The following ZC4H2 variants were observed in gnomAD, a reference collection of about 807,000 sequenced individuals.
ZC4H2 encodes the protein zinc finger C4H2-type containing.
For missense variants in ZC4H2, 137 were observed against 173.9 expected (o/e 0.79, Z 1.19); for synonymous variants, 84 against 66.3 (o/e 1.27, Z -1.30).
chrX:64,989,871 C>T (rs1249108160), intron 1 of ZC4H2, among the ~76,000 whole-genome samples: 1 of 111,632 alleles, frequency 9.0e-6, no homozygotes, highest in Non-Finnish European at 1.9e-5. Flanking sequence ...AAAATGGTGA[C>T]AATACCAAAT....
rs191359084 is a variant in ZC4H2, at chrX:64,940,000, A to G, written c.54-18012T>C. The stretch of plus-strand genomic sequence containing the variant: ...TATTATCAGTGGGAACAGGCAACCT[A>G]AAGAATGGGAGAAAATTTTTGCAAT... On this transcript the variant is annotated intron_variant, in intron 1 of 4. Transcript: ENST00000374839. Among the ~76,000 whole-genome samples, 120 of 111,486 alleles carry G rather than the reference A, an allele frequency of 1.1e-3. 1 individual carries two copies. Among genetic ancestry groups the G allele is most frequent in the African/African-American group, 3.7e-3 (114 of 30,741 alleles).
chrX:64,937,360 C>A (rs775276848), intron 1 of ZC4H2, among the ~76,000 whole-genome samples: 2 of 111,109 alleles, frequency 1.8e-5, no homozygotes, highest in African/African-American at 3.3e-5. Flanking sequence ...ACCCCACTGT[C>A]AATATTAGAC....
intron 1 of ZC4H2, among the ~76,000 whole-genome samples, chrX:65,000,917 C>T (rs1281492268): frequency 9.0e-6 from 1 of 111,194 alleles, no homozygotes; most frequent in East Asian, 2.8e-4. Flanking sequence ...ATAAAGCCTC[C>T]AAGAAATATG....
intron 1 of ZC4H2, among the ~76,000 whole-genome samples, chrX:65,021,521 A>G: frequency 9.0e-6 from 1 of 111,576 alleles, no homozygotes; most frequent in Non-Finnish European, 1.9e-5. Context: ...CATTTAAAGC[A>G]GTGTGTAGAG....
At chrX:64,982,801 T>C (rs1932108714) in intron 1 of ZC4H2, among the ~76,000 whole-genome samples, 1 of 111,849 alleles carries the variant, frequency 8.9e-6, no homozygotes, top group South Asian at 3.8e-4. Context: ...CAGATTCAAC[T>C]GTATAAAAAT....
intron 1 of ZC4H2, among the ~76,000 whole-genome samples, chrX:64,951,724 C>A (rs1313435242): frequency 9.0e-6 from 1 of 110,527 alleles, no homozygotes; most frequent in South Asian, 3.8e-4. Flanking sequence ...GAGTAGGTTG[C>A]AAAAATTTTC....
intron 1 of ZC4H2, among the ~76,000 whole-genome samples, chrX:65,034,191 C>T (rs1442572702): frequency 9.0e-6 from 1 of 110,994 alleles, no homozygotes; most frequent in African/African-American, 3.3e-5. Flanking sequence ...TTCTCTAAGC[C>T]AGAAGGAAGT....
chrX:64,940,306 A>T (rs1223710670), intron 1 of ZC4H2, among the ~76,000 whole-genome samples: 1 of 110,701 alleles, frequency 9.0e-6, no homozygotes, highest in Non-Finnish European at 1.9e-5. Flanking sequence ...TGGATATTAG[A>T]CCTTTGTCAG....
upstream of ZC4H2, among the ~76,000 whole-genome samples, chrX:64,981,064 G>C (rs974281310): frequency 2.7e-5 from 3 of 109,256 alleles, no homozygotes; most frequent in Non-Finnish European, 5.7e-5. Context: ...GCTCCAGGCA[G>C]AACGAATAGC....
intron 1 of ZC4H2, among the ~76,000 whole-genome samples, chrX:64,972,561 A>T (rs1165102728): frequency 3.6e-5 from 4 of 112,052 alleles, no homozygotes; most frequent in Non-Finnish European, 7.5e-5. Context: ...AGCATTTGTA[A>T]GGGCAGTTAA....
chrX:64,988,003 C>T (rs935125475), intron 1 of ZC4H2, among the ~76,000 whole-genome samples: 13 of 105,587 alleles, frequency 1.2e-4, no homozygotes, highest in East Asian at 6.2e-4. Flanking sequence ...TCTGTCCTTG[C>T]GGTAGTTTGC....
At chrX:64,932,791 G>A (rs1929818343) in intron 1 of ZC4H2, among the ~76,000 whole-genome samples, 1 of 110,554 alleles carries the variant, frequency 9.0e-6, no homozygotes, top group Non-Finnish European at 1.9e-5. Flanking sequence ...TTAAAATTAT[G>A]TTTTTTTTAA....
At chrX:65,023,732 T>C (rs1932854276) in intron 1 of ZC4H2, among the ~76,000 whole-genome samples, 1 of 111,431 alleles carries the variant, frequency 9.0e-6, no homozygotes, top group African/African-American at 3.3e-5. Flanking sequence ...GAAATACCAT[T>C]TGACCCAGTA....
chrX:64,980,332 C>G (rs1264927572), upstream of ZC4H2, among the ~76,000 whole-genome samples: 1 of 111,481 alleles, frequency 9.0e-6, no homozygotes, highest in East Asian at 2.8e-4. Context: ...TATAGTTATA[C>G]CTAGCAATCA....
At chrX:65,006,396 C>T (rs781699050) in intron 1 of ZC4H2, among the ~76,000 whole-genome samples, 68 of 111,284 alleles carry the variant, frequency 6.1e-4, no homozygotes, top group African/African-American at 2.2e-3. Context: ...AGGATGAGTT[C>T]ATGTCCTTTG....
chrX:64,950,419 C>A (rs150911222), intron 1 of ZC4H2, among the ~76,000 whole-genome samples: 2 of 111,315 alleles, frequency 1.8e-5, no homozygotes, highest in East Asian at 5.7e-4. Context: ...CTTTCTGTCT[C>A]GTTGATCTGT....
At chrX:64,996,184 G>T (rs1345117011) in intron 1 of ZC4H2, among the ~76,000 whole-genome samples, 1 of 111,728 alleles carries the variant, frequency 9.0e-6, no homozygotes, top group African/African-American at 3.3e-5. Context: ...ACAGAAATAG[G>T]TGAATTTTTT....
At chrX:64,935,352 C>A (rs372175639) in intron 1 of ZC4H2, among the ~76,000 whole-genome samples, 1 of 112,064 alleles carries the variant, frequency 8.9e-6, no homozygotes, top group South Asian at 3.7e-4. Flanking sequence ...ACCCCTATCT[C>A]CCTGGGACAG....
intron 1 of ZC4H2, among the ~76,000 whole-genome samples, chrX:64,971,242 T>C (rs1931771622): frequency 8.9e-6 from 1 of 112,025 alleles, no homozygotes; most frequent in East Asian, 2.8e-4. Flanking sequence ...ATAACAACCA[T>C]GCTTTAGGAA....
Sources: gnomAD v4.1 joint callset for allele counts (sites outside exome capture counted in the v4.1 genomes callset) on GRCh38, gnomAD v4.1.1 for gene constraint, MANE v1.5 for transcripts, NCBI Gene and HGNC (gene_info 2026-07-23, HGNC 2026-07-21) for gene names.